The following TENM3 variants were observed in gnomAD, a reference collection of about 807,000 sequenced individuals.
TENM3 encodes teneurin transmembrane protein 3, also known as teneurin-3.
TENM3 carries 63 observed loss-of-function variants against 255.1 expected under a neutral mutation model. The ratio of observed to expected loss-of-function variants is 0.25; its 90% confidence interval spans 0.20 to 0.30. The LOEUF is 0.30. TENM3 is among the 10% of genes least tolerant of loss of function. The probability of loss-of-function intolerance (pLI) is 1.00; values close to 1 mark genes in which losing one functional copy is unlikely to be tolerated. For missense variants in TENM3, 2,929 were observed against 3,461.1 expected (o/e 0.85, Z 3.86); for synonymous variants, 1,306 against 1,322.3 (o/e 0.99, Z 0.27).
the TENM3 span, among the ~76,000 whole-genome samples, chr4:182,031,906 T>C: frequency 6.6e-6 from 1 of 152,184 alleles, no homozygotes; most frequent in African/African-American, 2.4e-5. Context: ...TGATTTTGTA[T>C]CCTGAGACTT....
intron 5 of TENM3, among the ~76,000 whole-genome samples, chr4:182,640,927 T>C (rs1316636488): frequency 2.6e-5 from 4 of 152,172 alleles, no homozygotes; most frequent in Non-Finnish European, 5.9e-5. Flanking sequence ...GAGACACTCA[T>C]GGGAGACTGA....
chr4:182,260,115 A>G (rs59207691), intron 1 of TENM3, among the ~76,000 whole-genome samples: 10,779 of 152,204 alleles, frequency 0.071, 468 homozygotes, highest in East Asian at 0.11. Flanking sequence ...GTATGGACTA[A>G]ATTTTCTTTA....
rs149963454 is a variant in TENM3, at chr4:182,366,459, TTGTAA to T, written c.511+19537_511+19541del. Among the ~76,000 whole-genome samples, 1,284 of 152,142 alleles carry T rather than the reference TTGTAA, an allele frequency of 8.4e-3. 18 individuals are homozygous for T. Among genetic ancestry groups the T allele is most frequent in the African/African-American group, 0.03 (1,229 of 41,538 alleles). On this transcript the variant is annotated intron_variant, in intron 3 of 27. Transcript: ENST00000511685. The stretch of plus-strand genomic sequence containing the variant: ...AGATTACATTTAATTCATCTGAATT[TTGTAA>T]TGTAATAGTTGAAGTAGGAATTTAA...
chr4:182,001,191 G>A, the TENM3 span, among the ~76,000 whole-genome samples: 1 of 151,704 alleles, frequency 6.6e-6, no homozygotes, highest in Non-Finnish European at 1.5e-5. Context: ...GCATTAGGTA[G>A]TTCAAATATA....
the TENM3 span, among the ~76,000 whole-genome samples, chr4:181,452,026 A>G: frequency 2.6e-5 from 4 of 152,172 alleles, no homozygotes; most frequent in Admixed American, 6.5e-5. Context: ...AGAGTCGGCA[A>G]CATGGAAGCC....
At chr4:182,455,720 C>T (rs1460768323) in intron 3 of TENM3, among the ~76,000 whole-genome samples, 1 of 152,070 alleles carries the variant, frequency 6.6e-6, no homozygotes, top group African/African-American at 2.4e-5. Flanking sequence ...CACCAACACA[C>T]CCAGCTAATT....
intron 1 of TENM3, among the ~76,000 whole-genome samples, chr4:182,264,986 CTT>C (rs1382744894): frequency 6.6e-6 from 1 of 150,502 alleles, no homozygotes; most frequent in East Asian, 2.0e-4. Flanking sequence ...TCTTGTCACT[CTT>C]AATGCACACG....
the TENM3 span, among the ~76,000 whole-genome samples, chr4:181,850,699 T>C: frequency 1.3e-5 from 2 of 152,164 alleles, no homozygotes; most frequent in Non-Finnish European, 2.9e-5. Flanking sequence ...TGCCAATGTG[T>C]TCTACATTTT....
chr4:182,671,039 T>C (rs774528181), intron 6 of TENM3, among the ~76,000 whole-genome samples: 3 of 152,096 alleles, frequency 2.0e-5, no homozygotes, highest in African/African-American at 4.8e-5. Flanking sequence ...CCATATTCTT[T>C]AACCTGGTAT....
chr4:182,025,310 G>A, the TENM3 span, among the ~76,000 whole-genome samples: 22 of 152,184 alleles, frequency 1.4e-4, no homozygotes, highest in South Asian at 3.9e-3. Context: ...TTACAGGCGT[G>A]AGCCACCACG....
the TENM3 span, among the ~76,000 whole-genome samples, chr4:182,044,906 G>A: frequency 6.6e-6 from 1 of 152,170 alleles, no homozygotes. Context: ...ACTATCTAGC[G>A]CATAAGCAAA....
chr4:182,559,092 T>C (rs1038038695), intron 3 of TENM3, among the ~76,000 whole-genome samples: 2 of 151,744 alleles, frequency 1.3e-5, no homozygotes, highest in African/African-American at 4.8e-5. Flanking sequence ...CATTTTCTGT[T>C]TTCTTCTTTC....
At chr4:181,887,759 A>G in the TENM3 span, among the ~76,000 whole-genome samples, 4 of 152,198 alleles carry the variant, frequency 2.6e-5, no homozygotes, top group African/African-American at 9.7e-5. Context: ...TAAAGACGAG[A>G]TGCAGCTTCA....
At chr4:182,038,104 T>G in the TENM3 span, among the ~76,000 whole-genome samples, 2 of 152,230 alleles carry the variant, frequency 1.3e-5, no homozygotes, top group South Asian at 4.1e-4. Context: ...ACAACACATT[T>G]GTTCCATCCT....
At chr4:182,675,772 G>T (rs1755618547) in intron 7 of TENM3, among the ~76,000 whole-genome samples, 1 of 152,170 alleles carries the variant, frequency 6.6e-6, no homozygotes. Flanking sequence ...GGTAAGAATT[G>T]TCTATTGTGT....
At chr4:181,477,351 C>T in the TENM3 span, among the ~76,000 whole-genome samples, 1 of 152,084 alleles carries the variant, frequency 6.6e-6, no homozygotes, top group Non-Finnish European at 1.5e-5. Context: ...GTTGACAGTT[C>T]CCTCTTCCAA....
intron 11 of TENM3, among the ~76,000 whole-genome samples, chr4:182,682,691 C>T (rs1303461897): frequency 1.3e-5 from 2 of 152,030 alleles, no homozygotes; most frequent in African/African-American, 4.8e-5. Context: ...CATGCACATA[C>T]TCACATAATT....
At chr4:181,864,192 C>T in the TENM3 span, among the ~76,000 whole-genome samples, 1 of 152,184 alleles carries the variant, frequency 6.6e-6, no homozygotes, top group African/African-American at 2.4e-5. Flanking sequence ...CCATTAGCCT[C>T]TGTGAAACTG....
the TENM3 span, among the ~76,000 whole-genome samples, chr4:181,647,394 C>A: frequency 1.3e-5 from 2 of 152,118 alleles, no homozygotes; most frequent in Non-Finnish European, 2.9e-5. Flanking sequence ...TATTTCATGG[C>A]AGCAGCTCTA....
Sources: allele counts gnomAD v4.1 joint callset (sites outside exome capture counted in the v4.1 genomes callset), GRCh38; gene constraint gnomAD v4.1.1; transcripts MANE v1.5; gene names NCBI Gene and HGNC (gene_info 2026-07-23, HGNC 2026-07-21).